Variants in CSMD2 observed in about 807,000 individuals in gnomAD.
CSMD2 encodes CUB and sushi domain-containing protein 2.
CSMD2 carries 130 observed loss-of-function variants against 398.5 expected under a neutral mutation model. The observed-to-expected ratio is 0.33, with a 90% CI of 0.28 to 0.38. The LOEUF is 0.38. CSMD2 is among the 10% of genes least tolerant of loss of function. The probability of loss-of-function intolerance (pLI) is 1.00; values close to 1 mark genes in which losing one functional copy is unlikely to be tolerated. For missense variants in CSMD2, 3,829 were observed against 4,764.9 expected (o/e 0.80, Z 5.78); for synonymous variants, 1,828 against 1,908.5 (o/e 0.96, Z 1.10).
intron 3 of CSMD2, among the ~76,000 whole-genome samples, chr1:34,004,960 G>A (rs1335017851): frequency 6.6e-6 from 1 of 152,168 alleles, no homozygotes; most frequent in African/African-American, 2.4e-5. Flanking sequence ...GCTGAGCCCT[G>A]ACCTGGGGGT....
At chr1:33,730,875 C>T (rs927878162) in intron 15 of CSMD2, among the ~76,000 whole-genome samples, 1 of 152,178 alleles carries the variant, frequency 6.6e-6, no homozygotes, top group African/African-American at 2.4e-5. Flanking sequence ...TGTTTCCTAG[C>T]TGTGTTCATT....
At chr1:33,792,566 T>G in intron 10 of CSMD2, 40 bp from the exon 11 acceptor site, 1 of 1,403,142 alleles carries the variant, frequency 7.1e-7, no homozygotes, top group Non-Finnish European at 1.0e-6. Flanking sequence ...GCAGGGGCTG[T>G]GAGGAAGCCT....
At chr1:33,622,447 C>T (rs767746789) in intron 36 of CSMD2, among the ~76,000 whole-genome samples, 176 bp from the exon 37 acceptor site, 2 of 152,214 alleles carry the variant, frequency 1.3e-5, no homozygotes, top group African/African-American at 2.4e-5. Context: ...GGCTAGGTCT[C>T]TACTGGCTGA....
At chr1:33,892,093 CAA>C (rs954902100) in intron 5 of CSMD2, among the ~76,000 whole-genome samples, 3 of 26,974 alleles carry the variant, frequency 1.1e-4, no homozygotes, top group Non-Finnish European at 4.1e-4. Context: ...AAGACACCAT[CAA>C]AAAAAAAATG....
At chr1:34,116,917 G>A (rs951171945) in intron 1 of CSMD2, among the ~76,000 whole-genome samples, 2 of 151,778 alleles carry the variant, frequency 1.3e-5, no homozygotes, top group African/African-American at 4.8e-5. Context: ...AAAATCACAG[G>A]GGAATTAGAA....
chr1:34,090,990 G>A (rs190920152), intron 1 of CSMD2, among the ~76,000 whole-genome samples: 31 of 152,234 alleles, frequency 2.0e-4, no homozygotes, highest in East Asian at 3.9e-4. Flanking sequence ...GGACCTTTGC[G>A]CGGTTCTCTC....
chr1:33,592,667 C>T (rs774533915), intron 44 of CSMD2, among the ~76,000 whole-genome samples: 89 of 152,092 alleles, frequency 5.9e-4, no homozygotes, highest in Non-Finnish European at 1.2e-3. Context: ...ATTATCATGA[C>T]GGCCGGGCGC....
rs188168823 is a variant in CSMD2 at position 34,053,455 on chromosome 1, G to C, written c.405-20749C>G. ...CTCCTAGCAAAGTGGACACAAGAAA[G>C]CTCCAAGGAAGGTTAATATGTAATG... On this transcript the variant is annotated intron_variant, in intron 2 of 70. Coordinates refer to ENST00000373381, the MANE Select transcript of CSMD2 (RefSeq NM_001281956.2). 2.7e-4 allele frequency among the ~76,000 whole-genome samples: 41 copies of C among 152,218 alleles called. 1 individual carries two copies. Among genetic ancestry groups the C allele is most frequent in the Non-Finnish European group, 7.4e-5 (5 of 67,998 alleles).
At chr1:33,692,794 T>C (rs1645284300) in intron 25 of CSMD2, 136 bp downstream of exon 25, 2 of 1,110,558 alleles carry the variant, frequency 1.8e-6, no homozygotes, top group Non-Finnish European at 2.6e-6. Flanking sequence ...GCATCCAGTA[T>C]AGCAACCACT....
chr1:33,868,204 G>A (rs1364098909), intron 5 of CSMD2, among the ~76,000 whole-genome samples: 1 of 152,102 alleles, frequency 6.6e-6, no homozygotes, highest in Non-Finnish European at 1.5e-5. Context: ...AGGTGCTCCT[G>A]TCCTTGAGAA....
chr1:33,917,016 C>T (rs893036801), intron 5 of CSMD2, among the ~76,000 whole-genome samples: 2 of 152,166 alleles, frequency 1.3e-5, no homozygotes, highest in Non-Finnish European at 2.9e-5. Flanking sequence ...CTTGCAGACA[C>T]CCACTTTCTG....
rs546470842 is a variant in CSMD2 at position 33,714,997 on chromosome 1, C to T, written c.3218-222G>A. 5.5e-4 allele frequency among the ~76,000 whole-genome samples: 84 copies of T among 151,996 alleles called. 1 individual carries two copies. Among genetic ancestry groups the T allele is most frequent in the Admixed American group, 4.5e-3 (69 of 15,262 alleles). Reference sequence around the variant, plus strand: ...AGGCAGAGAGAAACATGGGGAAGCACGGGGAGGCAGAGGCAGAGAGAAGCA... The same window carrying T: ...AGGCAGAGAGAAACATGGGGAAGCATGGGGAGGCAGAGGCAGAGAGAAGCA... On this transcript the variant is annotated intron_variant, in intron 20 of 70. Transcript: ENST00000373381.
chr1:33,559,117 A>C lies in CSMD2; in HGVS notation c.8554+183T>G, dbSNP rs574914211. Among the ~76,000 whole-genome samples, 119 of 152,330 alleles carry C rather than the reference A, an allele frequency of 7.8e-4. No homozygotes were observed. The highest frequency in any genetic ancestry group is 2.8e-3 in the African/African-American group (116 of 41,564). On this transcript the variant is annotated intron_variant, in intron 54 of 70. Coordinates refer to ENST00000373381, the MANE Select transcript of CSMD2 (RefSeq NM_001281956.2). This position sits in a 1 kb window ranked among gnomAD's most constrained non-coding sequence, Gnocchi z 4.0. ...TTCCTTATATAACCCATGATGATGA[A>C]ATTTTATGTGGCTCTTTATCTAAGG...
chr1:33,645,226 G>A (rs1331555986), intron 29 of CSMD2, among the ~76,000 whole-genome samples: 1 of 151,988 alleles, frequency 6.6e-6, no homozygotes, highest in Admixed American at 6.6e-5. Context: ...AGCTGGTAAT[G>A]CGACCCCATT....
At chr1:33,977,028 C>G (rs529219756) in intron 3 of CSMD2, among the ~76,000 whole-genome samples, 2 of 151,832 alleles carry the variant, frequency 1.3e-5, no homozygotes, top group African/African-American at 4.8e-5. Context: ...GTTATTCAAG[C>G]AAAGAGGCAG....
chr1:33,954,408 G>A (rs1357355547), intron 3 of CSMD2, among the ~76,000 whole-genome samples: 4 of 151,880 alleles, frequency 2.6e-5, no homozygotes, highest in Admixed American at 1.3e-4. Context: ...TTGGTGGTGG[G>A]GGGAGGGAAC....
intron 29 of CSMD2, among the ~76,000 whole-genome samples, chr1:33,638,747 G>A (rs11802406): frequency 6.6e-6 from 1 of 152,062 alleles, no homozygotes; most frequent in Non-Finnish European, 1.5e-5. Flanking sequence ...ACCTCTTTCA[G>A]GACTTAGCTC....
intron 29 of CSMD2, among the ~76,000 whole-genome samples, chr1:33,638,584 C>T (rs990327453): frequency 2.6e-5 from 4 of 152,318 alleles, no homozygotes; most frequent in African/African-American, 4.8e-5. Context: ...AATAGCCTCC[C>T]GTGTCACTTG....
intron 13 of CSMD2, among the ~76,000 whole-genome samples, chr1:33,754,042 A>G (rs1648638480): frequency 6.6e-6 from 1 of 152,218 alleles, no homozygotes; most frequent in African/African-American, 2.4e-5. Context: ...TCATGCTGGA[A>G]TAAGTTAAGA....
Sources: allele counts gnomAD v4.1 joint callset (sites outside exome capture counted in the v4.1 genomes callset), GRCh38; gene constraint gnomAD v4.1.1; non-coding constraint Gnocchi (gnomAD v3.1); transcripts MANE v1.5; gene names NCBI Gene and HGNC (gene_info 2026-07-23, HGNC 2026-07-21).